FCRL3: variants seen among roughly 807,000 people sequenced by gnomAD.
FCRL3 encodes Fc receptor like 3.
Under a neutral mutation model 75.0 loss-of-function variants are expected in FCRL3, and 89 were observed. That is an observed-to-expected ratio of 1.19 (90% CI 1.00 to 1.42). The LOEUF is 1.42. Ranked by LOEUF, FCRL3 falls within the 40% of genes most tolerant of loss-of-function variation. FCRL3 has a pLI of 0.00. For synonymous variants in FCRL3, 376 were observed against 348.5 expected, an observed-to-expected ratio of 1.08 and a Z score of -0.88; for missense variants, 946 against 880.0, an observed-to-expected ratio of 1.07 and a Z score of -0.95.
Position 157,678,863 on chromosome 1 carries a change from GA to G in FCRL3, c.2059-8del, listed in dbSNP as rs749174487. The G allele has an allele frequency of 1.2e-6, 2 of 1,613,868 alleles. No homozygotes were observed. Among genetic ancestry groups the G allele is most frequent in the Non-Finnish European group, 1.7e-6 (2 of 1,179,950 alleles). ...AATAGAGGACTGTAAGTTCCTGGTA[GA>G]AAAAAACACAAAAGGTAAGTACCTA... On this transcript the variant is annotated splice_polypyrimidine_tract_variant and splice_region_variant and intron_variant, in intron 14 of 14. Coordinates refer to ENST00000368184, the MANE Select transcript of FCRL3 (RefSeq NM_052939.4).
At chr1:157,683,046 C>T (rs996273978) in intron 11 of FCRL3, among the ~76,000 whole-genome samples, 171 bp downstream of exon 11, 3 of 152,014 alleles carry the variant, frequency 2.0e-5, no homozygotes, top group East Asian at 3.8e-4. Context: ...CAGTGAATAT[C>T]GTTCACAAAT....
chr1:157,695,693 C>T, intron 7 of FCRL3, 86 bp from the exon 8 acceptor site: 1 of 1,400,876 alleles, frequency 7.1e-7, no homozygotes, highest in Non-Finnish European at 9.6e-7. Flanking sequence ...ATGGATATGT[C>T]CCTTGTCCCT....
intron 8 of FCRL3, among the ~76,000 whole-genome samples, chr1:157,693,706 T>C (rs1035595803): frequency 1.7e-4 from 25 of 151,350 alleles, no homozygotes; most frequent in South Asian, 8.4e-4. Context: ...CTTCCTTCCT[T>C]CCTCCCTTCC....
chr1:157,680,608 G>A, intron 13 of FCRL3, 94 bp downstream of exon 13: 1 of 1,047,840 alleles, frequency 9.5e-7, no homozygotes, highest in Non-Finnish European at 1.5e-6. Flanking sequence ...CTTGCGTGTT[G>A]GGCTTGTATT....
chr1:157,698,911 A>C (rs2210912), intron 3 of FCRL3, among the ~76,000 whole-genome samples: 86,569 of 152,116 alleles, frequency 0.57, 27,155 homozygotes, highest in African/African-American at 0.86. Context: ...ATTGGGCAAA[A>C]ACTGCGAAGG....
At position 157,698,565 on chromosome 1, in the gene FCRL3, T is replaced by C; in HGVS notation, c.117A>G (p.Lys39=). The C allele has an allele frequency of 6.2e-7, 1 of 1,614,058 alleles. No homozygotes were observed. ...PPWSTAFKGE[K]VALICSSISH... ...ATATGCTGCTGCATATGAGAGCCAC[T>C]TTTTCTCCTTTGAAGGCTGTGGACC... Residue 39 remains lysine (K), a synonymous_variant, in exon 4 of 15, where the codon AAA becomes AAG. Coordinates refer to ENST00000368184, the MANE Select transcript of FCRL3 (RefSeq NM_052939.4).
At position 157,677,181 on chromosome 1, in the gene FCRL3, G is replaced by A; in HGVS notation, c.*1529C>T. ...TGAGGCCAGCAGCTGTGGCTTAGCT[G>A]GCTTTGCTGGTCGTAATGGAGGACA... On this transcript the variant is annotated 3_prime_UTR_variant, in exon 15 of 15. Coordinates refer to ENST00000368184, the MANE Select transcript of FCRL3 (RefSeq NM_052939.4). 3.0e-6 allele frequency: 3 copies of A among 1,008,872 alleles called. No individual in the cohort carries two copies. Among genetic ancestry groups the A allele is most frequent in the South Asian group, 8.5e-5 (2 of 23,414 alleles). 62.5% of individuals were successfully genotyped at this position (1,008,872 alleles called of 1,614,324 possible). A position where few individuals can be genotyped will look rare whatever the true frequency, so the allele number is the denominator to read the frequency against.
chr1:157,678,806 A>C lies in FCRL3; in HGVS notation c.2109T>G (p.Ser703=). The change falls in exon 15 of 15, where the codon TCT becomes TCG. Residue 703 remains serine, a synonymous_variant. Coordinates refer to ENST00000368184, the MANE Select transcript of FCRL3 (RefSeq NM_052939.4). ...TGCCTCTGCTGCTAGCCTCCCCTGC[A>C]GAGTCGTCTGGGTGTGTCTTCTTCA... The part of the protein sequence containing the change: ...SELKKTHPDD[S]AGEASSRGRA... 6.2e-7 allele frequency: 1 copy of C among 1,614,080 alleles called. No homozygotes were observed. Among genetic ancestry groups the C allele is most frequent in the Non-Finnish European group, 8.5e-7 (1 of 1,180,012 alleles).
chr1:157,680,992 A>G lies in FCRL3; in HGVS notation c.1946T>C (p.Met649Thr). 2 of 1,588,234 alleles carry G rather than the reference A, an allele frequency of 1.3e-6. No homozygotes were observed. Among genetic ancestry groups the G allele is most frequent in the Non-Finnish European group, 1.7e-6 (2 of 1,170,710 alleles). The change falls in exon 12 of 15, where the codon ATG becomes ACG. Residue 649 changes from methionine (M) to threonine (T), a missense_variant. Coordinates refer to ENST00000368184, the MANE Select transcript of FCRL3 (RefSeq NM_052939.4). Reference protein sequence around the residue: ...KPLAPMELEPMYSNVNPGDSN... With the variant: ...KPLAPMELEPTYSNVNPGDSN... ...TAGGGAGTCCTCACCATTGCTGTAC[A>G]TTGGCTCCAGCTCCATTGGGGCTAG...
intron 6 of FCRL3, 189 bp from the exon 7 acceptor site, chr1:157,696,516 TC>T: frequency 1.7e-6 from 1 of 592,412 alleles, no homozygotes; most frequent in South Asian, 2.3e-5. Context: ...CCCACAACAT[TC>T]CCATCCTTGA....
In FCRL3 at chr1:157,676,900, A is replaced by G; in HGVS notation, c.*1810T>C. On this transcript the variant is annotated 3_prime_UTR_variant, in exon 15 of 15. Coordinates refer to ENST00000368184, the MANE Select transcript of FCRL3 (RefSeq NM_052939.4). ...AGAAAGGAGGAGAGCCTCCATATAC[A>G]GCCTGGTGGTTGGTACCCAAAACCG... 1 of 1,461,240 alleles carries G rather than the reference A, an allele frequency of 6.8e-7. No homozygotes were observed. The highest frequency in any genetic ancestry group is 9.0e-7 in the Non-Finnish European group (1 of 1,110,162). The allele number at this position is 1,461,240 out of a possible 1,614,324, so 90.5% of individuals were successfully genotyped here. A position where few individuals can be genotyped will look rare whatever the true frequency, so the allele number is the denominator to read the frequency against.
Position 157,678,721 on chromosome 1 carries a change from A to T in FCRL3, c.2194T>A (p.Ser732Thr). Residue 732 changes from serine (S) to threonine (T), a missense_variant, in exon 15 of 15, where the codon TCA becomes ACA. Coordinates refer to ENST00000368184, the MANE Select transcript of FCRL3 (RefSeq NM_052939.4). ...CTCTGGGTAAGGGGCTAGTGGTCTG[A>T]GGCCAGTAATACACGTGGTACATTC... ...YENVPRVLLA[S>T]DH The T allele has an allele frequency of 6.2e-7, 1 of 1,613,478 alleles. No individual in the cohort carries two copies. Among genetic ancestry groups the T allele is most frequent in the Non-Finnish European group, 8.5e-7 (1 of 1,179,944 alleles).
chr1:157,698,429 G>C lies in FCRL3; in HGVS notation c.253C>G (p.Arg85Gly), dbSNP rs200786585. 1.2e-6 allele frequency: 2 copies of C among 1,614,158 alleles called. No individual in the cohort carries two copies. The highest frequency in any genetic ancestry group is 1.7e-6 in the Non-Finnish European group (2 of 1,180,022). The change falls in exon 4 of 15, where the codon CGA becomes GGA. Residue 85 changes from arginine (R) to glycine (G), a missense_variant. Coordinates refer to ENST00000368184, the MANE Select transcript of FCRL3 (RefSeq NM_052939.4). The part of the protein sequence containing the change: ...TEPGNYQCKT[R>G]GSSLSDAVHV... ...ACGGCATCACTGAGGGAGGATCCTC[G>C]GGTCTTACATTGGTAATTTCCAGGC...
At position 157,677,868 on chromosome 1, in the gene FCRL3, G is replaced by GT. The variant is rs1240557262; in HGVS notation, c.*841dup. On this transcript the variant is annotated 3_prime_UTR_variant, in exon 15 of 15. Transcript: ENST00000368184. ...AATAATGAACATGAGATTTAGAATG[G>GT]TTTTTTATCAGATGGAGTGAGGTAG... 2.5e-6 allele frequency: 2 copies of GT among 804,516 alleles called. No individual in the cohort carries two copies. Among genetic ancestry groups the GT allele is most frequent in the Non-Finnish European group, 1.5e-6 (1 of 665,768 alleles). The allele number at this position is 804,516 out of a possible 1,614,324, so 49.8% of individuals were successfully genotyped here.
At chr1:157,696,469 T>C (rs1655916436) in intron 6 of FCRL3, 142 bp from the exon 7 acceptor site, 2 of 759,676 alleles carry the variant, frequency 2.6e-6, no homozygotes, top group East Asian at 2.7e-5. Flanking sequence ...AAATTAATTG[T>C]GTATACGATT....
rs1024552613 is a variant in FCRL3, at chr1:157,677,725, T to C, written c.*985A>G. On this transcript the variant is annotated 3_prime_UTR_variant, in exon 15 of 15. Transcript: ENST00000368184. ...TTAGAAATACAACATGAAGAGAAAG[T>C]ACTAAAAAAAATTATCTACAACAAT... 10 of 650,796 alleles carry C rather than the reference T, an allele frequency of 1.5e-5. No homozygotes were observed. The highest frequency in any genetic ancestry group is 1.5e-3 in the Middle Eastern group (2 of 1,296). The allele number at this position is 650,796 out of a possible 1,614,324, so 40.3% of individuals were successfully genotyped here. A position where few individuals can be genotyped will look rare whatever the true frequency, so the allele number is the denominator to read the frequency against.
At chr1:157,698,269 C>T (rs113041253) in intron 4 of FCRL3, 115 bp downstream of exon 4, 1 of 1,228,244 alleles carries the variant, frequency 8.1e-7, no homozygotes, top group Middle Eastern at 2.1e-4. Context: ...CCACTGGGGT[C>T]AGTGCATCAA....
At position 157,677,986 on chromosome 1, in the gene FCRL3, C is replaced by T. The variant is rs1308835806; in HGVS notation, c.*724G>A. On this transcript the variant is annotated 3_prime_UTR_variant, in exon 15 of 15. Coordinates refer to ENST00000368184, the MANE Select transcript of FCRL3 (RefSeq NM_052939.4). ...AGAATAAAACTGACTGACTAGAAAT[C>T]TATCATGTATGGCAAATGATGAGAC... The T allele has an allele frequency of 7.1e-6, 7 of 985,194 alleles. No individual in the cohort carries two copies. The highest frequency in any genetic ancestry group is 8.4e-6 in the Non-Finnish European group (7 of 829,860). The allele number at this position is 985,194 out of a possible 1,614,324, so 61.0% of individuals were successfully genotyped here.
intron 6 of FCRL3, 111 bp downstream of exon 6, chr1:157,697,029 A>G (rs1655953495): frequency 9.2e-7 from 1 of 1,086,630 alleles, no homozygotes; most frequent in Non-Finnish European, 1.2e-6. Flanking sequence ...GATTACCAGA[A>G]TAGCTGGACA....
Sources: gnomAD v4.1 joint callset for allele counts (sites outside exome capture counted in the v4.1 genomes callset) on GRCh38, gnomAD v4.1.1 for gene constraint, MANE v1.5 for transcripts, NCBI Gene and HGNC (gene_info 2026-07-23, HGNC 2026-07-21) for gene names.